The following PKN2 variants were observed in gnomAD, a reference collection of about 807,000 sequenced individuals.
PKN2 encodes the protein protein kinase N2.
PKN2 carries 38 observed loss-of-function variants against 119.1 expected under a neutral mutation model. That is an observed-to-expected ratio of 0.32 (90% CI 0.25 to 0.42). PKN2 has a LOEUF of 0.42. PKN2 is among the 10% of genes least tolerant of loss of function. The pLI is 1.00. For missense variants in PKN2, 850 were observed against 1,165.1 expected, an observed-to-expected ratio of 0.73 and a Z score of 3.94; for synonymous variants, 390 against 384.9, an observed-to-expected ratio of 1.01 and a Z score of -0.15.
intron 8 of PKN2, among the ~76,000 whole-genome samples, chr1:88,787,775 T>G (rs546696094): frequency 6.6e-6 from 1 of 152,224 alleles, no homozygotes; most frequent in East Asian, 1.9e-4. Flanking sequence ...CTTTTAAAAT[T>G]TGGAAGACAT....
chr1:88,782,285 AGTATGG>A (rs1670376724), intron 6 of PKN2, among the ~76,000 whole-genome samples: 1 of 151,858 alleles, frequency 6.6e-6, no homozygotes, highest in Non-Finnish European at 1.5e-5. Flanking sequence ...GGTGTGCTTT[AGTATGG>A]CTTGCTTCTG....
At chr1:88,724,643 C>T (rs990335860) in intron 1 of PKN2, among the ~76,000 whole-genome samples, 2 of 150,804 alleles carry the variant, frequency 1.3e-5, no homozygotes, top group African/African-American at 2.5e-5. Context: ...ATGATCTCTG[C>T]TCCCTGCAAC....
chr1:88,776,653 T>C (rs1670117240), intron 6 of PKN2, among the ~76,000 whole-genome samples: 2 of 151,644 alleles, frequency 1.3e-5, no homozygotes, highest in East Asian at 2.0e-4. Flanking sequence ...GGCAGGAGAA[T>C]CGTTTGAACG....
chr1:88,728,888 CCCCATCT>C (rs1668008547), intron 1 of PKN2, among the ~76,000 whole-genome samples: 1 of 149,248 alleles, frequency 6.7e-6, no homozygotes, highest in Non-Finnish European at 1.5e-5. Flanking sequence ...TTATTAACAT[CCCCATCT>C]TTTTTTTTTT....
At chr1:88,771,271 AT>A in intron 4 of PKN2, 149 bp from the exon 5 acceptor site, 1 of 504,942 alleles carries the variant, frequency 2.0e-6, no homozygotes, top group Middle Eastern at 5.4e-4. Flanking sequence ...GAATTTCAAT[AT>A]CATATCAAAT....
chr1:88,728,511 G>A (rs1353744645), intron 1 of PKN2, among the ~76,000 whole-genome samples: 1 of 151,676 alleles, frequency 6.6e-6, no homozygotes, highest in African/African-American at 2.4e-5. Flanking sequence ...TGAGTGTAAG[G>A]GTTATTTTGT....
At chr1:88,758,266 C>T (rs1039513856) in intron 2 of PKN2, among the ~76,000 whole-genome samples, 14 of 151,904 alleles carry the variant, frequency 9.2e-5, no homozygotes, top group African/African-American at 3.4e-4. Context: ...CCATGAAATT[C>T]ATCTTTAAAT....
intron 15 of PKN2, among the ~76,000 whole-genome samples, chr1:88,809,076 G>T (rs1000391655): frequency 2.6e-5 from 4 of 152,092 alleles, no homozygotes; most frequent in African/African-American, 9.7e-5. Flanking sequence ...GGCCTCAAAA[G>T]GTTGAGATTT....
rs75862332 is a variant in PKN2, at chr1:88,740,255, C to A, written c.49-733C>A. On this transcript the variant is annotated intron_variant, in intron 1 of 21. Coordinates refer to ENST00000370521, the MANE Select transcript of PKN2 (RefSeq NM_006256.4). ...TAAATGGAGTTCTGAATATAGTTTT[C>A]CCAAGCCCTAGTACATTTAATTCAT... Among the ~76,000 whole-genome samples, 767 of 152,128 alleles carry A rather than the reference C, an allele frequency of 5.0e-3. 3 individuals carry two copies. The highest frequency in any genetic ancestry group is 0.017 in the African/African-American group (722 of 41,518).
At chr1:88,779,486 CCTAGATA>C (rs1670244857) in intron 6 of PKN2, among the ~76,000 whole-genome samples, 1 of 151,450 alleles carries the variant, frequency 6.6e-6, no homozygotes, top group East Asian at 1.9e-4. Context: ...TTATGTCCAT[CCTAGATA>C]CTAGATACTA....
intron 16 of PKN2, among the ~76,000 whole-genome samples, chr1:88,816,035 G>A (rs1413821071): frequency 6.6e-6 from 1 of 151,860 alleles, no homozygotes; most frequent in African/African-American, 2.4e-5. Flanking sequence ...AGCTATTTGG[G>A]AAGCTGAGGC....
chr1:88,766,939 C>A (rs2100793767), intron 3 of PKN2, among the ~76,000 whole-genome samples: 1 of 152,178 alleles, frequency 6.6e-6, no homozygotes, highest in South Asian at 2.1e-4. Context: ...AAATAAAATA[C>A]AAGTGCTGTT....
intron 1 of PKN2, among the ~76,000 whole-genome samples, chr1:88,730,833 A>G (rs1668120823): frequency 6.6e-6 from 1 of 152,244 alleles, no homozygotes; most frequent in African/African-American, 2.4e-5. Context: ...AGGCAGTTAT[A>G]ATAATTCCAT....
At chr1:88,751,777 T>C (rs1254398626) in intron 2 of PKN2, among the ~76,000 whole-genome samples, 7 of 152,174 alleles carry the variant, frequency 4.6e-5, no homozygotes, top group Admixed American at 4.6e-4. Context: ...TGATCTTTTC[T>C]TGTACTTCCT....
At chr1:88,749,414 A>G (rs1668899686) in intron 2 of PKN2, among the ~76,000 whole-genome samples, 1 of 152,028 alleles carries the variant, frequency 6.6e-6, no homozygotes, top group Non-Finnish European at 1.5e-5. Flanking sequence ...AAAAAAAAAA[A>G]AAAAAAAATT....
In PKN2 at chr1:88,805,484, TCAAC is replaced by T; in HGVS notation, c.1502-12_1502-9del. The T allele has an allele frequency of 6.4e-7, 1 of 1,560,086 alleles. No individual in the cohort carries two copies. The highest frequency in any genetic ancestry group is 1.4e-5 in the African/African-American group (1 of 72,742). On this transcript the variant is annotated splice_polypyrimidine_tract_variant and intron_variant, in intron 10 of 21. Transcript: ENST00000370521. ...AAATTACTTGCTGTTTTTGTTTTTTTCAACATCTACAGGCAAAACATTTCTCAGA... is the reference window on the plus strand; with the variant it reads ...AAATTACTTGCTGTTTTTGTTTTTTTATCTACAGGCAAAACATTTCTCAGA...
In PKN2 at chr1:88,758,118, GTTTT is replaced by G. The variant is rs745973458; in HGVS notation, c.350-2103_350-2100del. Among the ~76,000 whole-genome samples the G allele has an allele frequency of 1.7e-4, 25 of 148,986 alleles. No individual in the cohort carries two copies. The East Asian group carries it at 4.5e-3, about 27-fold the overall frequency. ...GAATAACTAGATGGTTCTTTCTGAA[GTTTT>G]ATTTATTTATTTTTGCAAAATGAAA... On this transcript the variant is annotated intron_variant, in intron 2 of 21. Transcript: ENST00000370521.
chr1:88,794,906 A>G (rs1358499815), intron 8 of PKN2, among the ~76,000 whole-genome samples: 1 of 152,184 alleles, frequency 6.6e-6, no homozygotes, highest in Non-Finnish European at 1.5e-5. Context: ...AACTCCCAAT[A>G]GCAAATAATT....
intron 8 of PKN2, among the ~76,000 whole-genome samples, chr1:88,801,019 T>C (rs1671285268): frequency 6.6e-6 from 1 of 152,174 alleles, no homozygotes; most frequent in Non-Finnish European, 1.5e-5. Flanking sequence ...CAGCATGCCC[T>C]TGCCTTGTGT....
Sources: gnomAD v4.1 joint callset for allele counts (sites outside exome capture counted in the v4.1 genomes callset) on GRCh38, gnomAD v4.1.1 for gene constraint, MANE v1.5 for transcripts, NCBI Gene and HGNC (gene_info 2026-07-23, HGNC 2026-07-21) for gene names.